Variants in APP observed in about 807,000 individuals in gnomAD.
The protein encoded by APP is amyloid-beta precursor protein.
In APP, 31 loss-of-function variants were observed where a neutral mutation model predicts 101.4. That is an observed-to-expected ratio of 0.31 (90% CI 0.23 to 0.41). APP has a LOEUF of 0.41. APP is among the 10% of genes least tolerant of loss of function. APP has a pLI of 1.00. For synonymous variants in APP, 366 were observed against 364.4 expected (o/e 1.00, Z -0.05); for missense variants, 839 against 1,003.7 (o/e 0.84, Z 2.22).
intron 9 of APP, among the ~76,000 whole-genome samples, chr21:25,981,506 G>A (rs1163842526): frequency 1.3e-5 from 2 of 152,090 alleles, no homozygotes; most frequent in Non-Finnish European, 2.9e-5. Context: ...TTTGTTGATT[G>A]AATGAATGAA....
chr21:25,948,274 A>G (rs903478534), intron 13 of APP, among the ~76,000 whole-genome samples: 1 of 151,826 alleles, frequency 6.6e-6, no homozygotes, highest in African/African-American at 2.4e-5. Flanking sequence ...TAAATATTCT[A>G]TTTTAAACCT....
At chr21:25,897,394 T>A (rs575687114) in intron 16 of APP, among the ~76,000 whole-genome samples, 179 bp downstream of exon 16, 2 of 152,292 alleles carry the variant, frequency 1.3e-5, no homozygotes, top group Non-Finnish European at 1.5e-5. Flanking sequence ...GATTACAGGC[T>A]TGAGCCACTG....
In APP at chr21:25,955,297, G is replaced by A. The variant is rs952113542; in HGVS notation, c.1587+330C>T. On this transcript the variant is annotated intron_variant, in intron 12 of 17. Coordinates refer to ENST00000346798, the MANE Select transcript of APP (RefSeq NM_000484.4). ...TCAACATTCCAGTAGGTTTATGATT[G>A]CCTGCCATACTTCAGTTGAACCAGT... is the stretch of plus-strand genomic sequence containing the variant. 2.6e-5 allele frequency among the ~76,000 whole-genome samples: 4 copies of A among 152,106 alleles called. No homozygotes were observed. The South Asian group carries it at 6.2e-4, about 24-fold the overall frequency.
intron 1 of APP, among the ~76,000 whole-genome samples, chr21:26,134,926 A>G (rs2062864790): frequency 6.6e-6 from 1 of 152,208 alleles, no homozygotes; most frequent in Non-Finnish European, 1.5e-5. Flanking sequence ...TTCTTCCTTA[A>G]AACTTCGATG....
At chr21:26,143,523 A>C (rs986816243) in intron 1 of APP, among the ~76,000 whole-genome samples, 7 of 152,236 alleles carry the variant, frequency 4.6e-5, no homozygotes, top group African/African-American at 9.6e-5. Context: ...CAATCAAGCT[A>C]ATTAACATAT....
intron 1 of APP, among the ~76,000 whole-genome samples, chr21:26,130,422 G>A (rs1315909491): frequency 2.0e-5 from 3 of 152,240 alleles, no homozygotes; most frequent in African/African-American, 7.2e-5. Flanking sequence ...AGGCACAAGA[G>A]AAGCTCTGCA....
chr21:26,136,130 C>CAAAAAAAAAAAAA (rs566248174), intron 1 of APP, among the ~76,000 whole-genome samples: 1 of 50,380 alleles, frequency 2.0e-5, no homozygotes, highest in East Asian at 4.8e-4. Flanking sequence ...GACTCTGTCT[C>CAAAAAAAAAAAAA]AAAAAAGAAA....
intron 2 of APP, among the ~76,000 whole-genome samples, chr21:26,098,855 G>A (rs1280486531): frequency 6.6e-6 from 1 of 152,174 alleles, no homozygotes; most frequent in Non-Finnish European, 1.5e-5. Flanking sequence ...AACATGTGAT[G>A]CTTTAGCACA....
At chr21:25,971,040 T>C (rs1024936162) in intron 11 of APP, among the ~76,000 whole-genome samples, 2 of 152,082 alleles carry the variant, frequency 1.3e-5, no homozygotes, top group South Asian at 2.1e-4. Flanking sequence ...TATATTCATA[T>C]ACAAACAGCG....
chr21:25,899,219 G>A (rs1424858330), intron 15 of APP, among the ~76,000 whole-genome samples: 1 of 152,188 alleles, frequency 6.6e-6, no homozygotes, highest in Non-Finnish European at 1.5e-5. Flanking sequence ...CACAGGCAAT[G>A]GTGCTACTTC....
intron 4 of APP, among the ~76,000 whole-genome samples, chr21:26,052,545 T>G (rs184040543): frequency 6.6e-6 from 1 of 152,354 alleles, no homozygotes; most frequent in Admixed American, 6.5e-5. Flanking sequence ...CAGTGACCTT[T>G]TCATGCTAAG....
chr21:26,155,177 G>A (rs1437455484), intron 1 of APP, among the ~76,000 whole-genome samples: 1 of 152,184 alleles, frequency 6.6e-6, no homozygotes, highest in Non-Finnish European at 1.5e-5. Context: ...CTTGAACCCA[G>A]GAGGTGGAGG....
intron 5 of APP, among the ~76,000 whole-genome samples, chr21:26,050,450 C>G (rs974413577): frequency 1.6e-4 from 25 of 151,736 alleles, no homozygotes; most frequent in Non-Finnish European, 2.9e-4. Flanking sequence ...GAAAAAGAGG[C>G]GAAAATAGGT....
intron 1 of APP, among the ~76,000 whole-genome samples, chr21:26,162,353 G>T (rs558511677): frequency 6.6e-6 from 1 of 152,294 alleles, no homozygotes; most frequent in Admixed American, 6.5e-5. Context: ...GTATCAATAT[G>T]CTTTTGAAAA....
At chr21:26,169,201 G>C (rs1002943814) in intron 1 of APP, 4 of 152,258 alleles carry the variant, frequency 2.6e-5, no homozygotes, top group African/African-American at 2.4e-5. Flanking sequence ...GATGAATGGG[G>C]AAGACTTGTT....
chr21:26,050,893 G>A, intron 5 of APP, 107 bp downstream of exon 5: 1 of 1,357,546 alleles, frequency 7.4e-7, no homozygotes, highest in Non-Finnish European at 1.0e-6. Flanking sequence ...TGATGGGAGT[G>A]GGCAGAGACC....
chr21:26,089,917 A>C, intron 3 of APP, 26 bp downstream of exon 3: 1 of 1,613,492 alleles, frequency 6.2e-7, no homozygotes, highest in Admixed American at 1.7e-5. Flanking sequence ...CCCAATCAAC[A>C]CCAGCCCCAC....
At chr21:25,992,429 G>C (rs911891493) in intron 8 of APP, among the ~76,000 whole-genome samples, 1 of 151,848 alleles carries the variant, frequency 6.6e-6, no homozygotes, top group Admixed American at 6.6e-5. Flanking sequence ...TCAGACTTTT[G>C]TATAAGGTGT....
intron 2 of APP, among the ~76,000 whole-genome samples, chr21:26,091,937 C>A (rs191776356): frequency 5.0e-4 from 76 of 152,172 alleles, no homozygotes; most frequent in Admixed American, 5.0e-3. Context: ...GGGAGTTAGA[C>A]GATACACGGA....
Sources: allele counts gnomAD v4.1 joint callset (sites outside exome capture counted in the v4.1 genomes callset), GRCh38; gene constraint gnomAD v4.1.1; transcripts MANE v1.5; gene names NCBI Gene and HGNC (gene_info 2026-07-23, HGNC 2026-07-21).